The following POM121C variants were observed in gnomAD, a reference collection of about 807,000 sequenced individuals.
The protein encoded by POM121C is nuclear envelope pore membrane protein POM 121C.
Under a neutral mutation model 66.4 loss-of-function variants are expected in POM121C, and 20 were observed. The observed-to-expected ratio is 0.30, with a 90% CI of 0.21 to 0.44. POM121C has a LOEUF of 0.44. Among genes scored for constraint, POM121C ranks in the 20% least tolerant of loss-of-function variants. The probability of loss-of-function intolerance (pLI) is 1.00; values close to 1 mark genes in which losing one functional copy is unlikely to be tolerated. For synonymous variants in POM121C, 286 were observed against 528.0 expected (o/e 0.54, Z 6.28); for missense variants, 580 against 1,225.7 (o/e 0.47, Z 7.87).
Position 75,477,103 on chromosome 7 carries a change from G to C in POM121C, c.-457-1915C>G, listed in dbSNP as rs1792113140. On this transcript the variant is annotated intron_variant, in intron 1 of 14. Coordinates refer to ENST00000615331, the MANE Select transcript of POM121C (RefSeq NM_001099415.3). ...ACACACAAGCACATATATACAGTTT[G>C]CGTGTATACACACACACACACACAC... Among the ~76,000 whole-genome samples the C allele has an allele frequency of 7.1e-5, 4 of 56,258 alleles. No homozygotes were observed. In the South Asian group the frequency reaches 2.0e-3, roughly 28 times the overall value. The allele number at this position is 56,258 out of a possible 152,430, so 36.9% of individuals were successfully genotyped here.
Position 75,417,645 on chromosome 7 carries a change from T to C in POM121C, c.*1151A>G, listed in dbSNP as rs1789522702. ...TAATTTAGGTTTTCTAACATCTACT[T>C]TGGGTGACGTAGCCTCCAGTGAGGT... On this transcript the variant is annotated 3_prime_UTR_variant, in exon 15 of 15. Coordinates refer to ENST00000615331, the MANE Select transcript of POM121C (RefSeq NM_001099415.3). 1.0e-6 allele frequency: 1 copy of C among 985,378 alleles called. No homozygotes were observed. The highest frequency in any genetic ancestry group is 1.7e-5 in the African/African-American group (1 of 57,214). The allele number at this position is 985,378 out of a possible 1,614,324, so 61.0% of individuals were successfully genotyped here. A position where few individuals can be genotyped will look rare whatever the true frequency, so the allele number is the denominator to read the frequency against.
intron 5 of POM121C, 128 bp from the exon 6 acceptor site, chr7:75,439,352 T>TAA (rs1554473546): frequency 5.9e-6 from 8 of 1,365,984 alleles, no homozygotes; most frequent in Middle Eastern, 1.9e-4. Flanking sequence ...GACCAGAAAA[T>TAA]GGTTGTTTAA....
At chr7:75,458,850 G>A (rs1438549518) in intron 3 of POM121C, among the ~76,000 whole-genome samples, 1 of 152,214 alleles carries the variant, frequency 6.6e-6, no homozygotes, top group Non-Finnish European at 1.5e-5. Flanking sequence ...AATGAGGAAA[G>A]ACAATTAACA....
intron 3 of POM121C, among the ~76,000 whole-genome samples, chr7:75,459,592 T>A (rs1418301036): frequency 3.5e-5 from 1 of 28,240 alleles, no homozygotes; most frequent in Non-Finnish European, 6.0e-5. Flanking sequence ...GGAGTGAGAC[T>A]CTGTCTCAAA....
chr7:75,419,677 C>A (rs2116316742), intron 13 of POM121C: 1 of 532,522 alleles, frequency 1.9e-6, no homozygotes, highest in East Asian at 3.5e-5. Context: ...GAGAAAAAGC[C>A]CCCCTGCCCC....
intron 1 of POM121C, among the ~76,000 whole-genome samples, chr7:75,479,391 G>A (rs1206749444): frequency 1.7e-4 from 26 of 151,916 alleles, no homozygotes; most frequent in East Asian, 3.9e-4. Flanking sequence ...TGAGGCAGAT[G>A]GGTGACCTGA....
intron 1 of POM121C, among the ~76,000 whole-genome samples, chr7:75,476,953 AAAAC>A (rs1183787067): frequency 6.6e-6 from 1 of 152,126 alleles, no homozygotes; most frequent in African/African-American, 2.4e-5. Context: ...CTGATTTAAA[AAAAC>A]AAACTAAAGA....
intron 1 of POM121C, among the ~76,000 whole-genome samples, chr7:75,482,031 G>C (rs1221870688): frequency 6.6e-6 from 1 of 151,714 alleles, no homozygotes; most frequent in Non-Finnish European, 1.5e-5. Flanking sequence ...TGTGTGAAAA[G>C]AACTGAACAT....
chr7:75,468,313 CTTTTTTTTTTT>C (rs59483137), intron 3 of POM121C, among the ~76,000 whole-genome samples: 12 of 89,760 alleles, frequency 1.3e-4, no homozygotes, highest in Non-Finnish European at 2.1e-4. Flanking sequence ...AAGACTCCAG[CTTTTTTTTTTT>C]TTTTTTTTTT....
rs1790649053 is a variant in POM121C at position 75,441,518 on chromosome 7, C to T, written c.-22G>A. The T allele has an allele frequency of 2.5e-6, 4 of 1,613,720 alleles. No homozygotes were observed. Among genetic ancestry groups the T allele is most frequent in the Non-Finnish European group, 2.5e-6 (3 of 1,179,816 alleles). On this transcript the variant is annotated 5_prime_UTR_variant, in exon 4 of 15. Transcript: ENST00000615331. Reference sequence around the variant, plus strand: ...CCATCCTGGAGTTGCGAGGGGACAGCACAGCCTTCTTGTGATAACCATTCC... The same window carrying T: ...CCATCCTGGAGTTGCGAGGGGACAGTACAGCCTTCTTGTGATAACCATTCC...
chr7:75,424,603 G>A lies in POM121C; in HGVS notation c.794C>T (p.Ser265Leu), dbSNP rs782722292. 8.1e-6 allele frequency: 13 copies of A among 1,613,902 alleles called. No homozygotes were observed. Among genetic ancestry groups the A allele is most frequent in the South Asian group, 6.6e-5 (6 of 91,076 alleles). ...TLPPPPQLGY[S>L]ITAEDLDLEK... Reference sequence around the variant, plus strand: ...TAAGTCTAGGTCCTCGGCAGTGATCGAATAGCCAAGCTGGGGAGGTGGAGG... The same window carrying A: ...TAAGTCTAGGTCCTCGGCAGTGATCAAATAGCCAAGCTGGGGAGGTGGAGG... The change falls in exon 11 of 15, where the codon TCG becomes TTG. Residue 265 changes from serine to leucine, a missense_variant. Coordinates refer to ENST00000615331, the MANE Select transcript of POM121C (RefSeq NM_001099415.3).
intron 3 of POM121C, chr7:75,442,071 G>A (rs1790671745): frequency 3.0e-6 from 4 of 1,330,034 alleles, no homozygotes; most frequent in Non-Finnish European, 3.9e-6. Flanking sequence ...AATGCAAATC[G>A]GATTTAAAAG....
intron 5 of POM121C, 101 bp from the exon 6 acceptor site, chr7:75,439,325 GCA>G: frequency 1.3e-6 from 2 of 1,486,792 alleles, no homozygotes; most frequent in Non-Finnish European, 1.9e-6. Context: ...TCTCTATGGA[GCA>G]CAGATTCCAT....
chr7:75,420,171 C>G (rs1370416450), intron 13 of POM121C: 1 of 152,212 alleles, frequency 6.6e-6, no homozygotes, highest in Non-Finnish European at 1.5e-5. Flanking sequence ...GTGACTTCGC[C>G]CTGTGGGGCT....
chr7:75,442,287 G>A (rs1554474160), intron 3 of POM121C: 29 of 1,449,458 alleles, frequency 2.0e-5, no homozygotes, highest in Non-Finnish European at 2.5e-5. Flanking sequence ...CTATTCCGCA[G>A]GTCCTGGCCC....
chr7:75,436,557 G>A (rs1241807058), intron 7 of POM121C, among the ~76,000 whole-genome samples: 2 of 152,152 alleles, frequency 1.3e-5, no homozygotes, highest in African/African-American at 4.8e-5. Context: ...CTTCTGGGCT[G>A]ATGAACTCAT....
At chr7:75,430,544 A>G (rs1790126590) in intron 7 of POM121C, among the ~76,000 whole-genome samples, 1 of 152,234 alleles carries the variant, frequency 6.6e-6, no homozygotes, top group South Asian at 2.1e-4. Flanking sequence ...TTATGGATTT[A>G]CATATGAAAA....
At position 75,485,859 on chromosome 7, in the gene POM121C, CTT is replaced by C. The variant is rs1239305947; in HGVS notation, c.-458+3_-458+4del. On this transcript the variant is annotated splice_donor_region_variant and intron_variant, in intron 1 of 14. Transcript: ENST00000615331. Reference sequence around the variant, plus strand: ...TCGCTCCGGGCCCAAAAACCCAAGACTTACCCTCCTGGGGCTCCGCAGCCTCT... The same window carrying C: ...TCGCTCCGGGCCCAAAAACCCAAGACACCCTCCTGGGGCTCCGCAGCCTCT... The C allele has an allele frequency of 2.0e-6, 1 of 508,030 alleles. No individual in the cohort carries two copies. Among genetic ancestry groups the C allele is most frequent in the Non-Finnish European group, 3.9e-6 (1 of 255,864 alleles). 31.5% of individuals were successfully genotyped at this position (508,030 alleles called of 1,614,324 possible).
At chr7:75,439,339 C>A in intron 5 of POM121C, 115 bp from the exon 6 acceptor site, 2 of 1,414,898 alleles carry the variant, frequency 1.4e-6, no homozygotes, top group Non-Finnish European at 1.9e-6. Flanking sequence ...AGATTCCATG[C>A]TAGACCAGAA....
Sources: gnomAD v4.1 joint callset for allele counts (sites outside exome capture counted in the v4.1 genomes callset) on GRCh38, gnomAD v4.1.1 for gene constraint, MANE v1.5 for transcripts, NCBI Gene and HGNC (gene_info 2026-07-23, HGNC 2026-07-21) for gene names.